Variants in CDHR5 observed in about 807,000 individuals in gnomAD.
CDHR5 encodes the protein cadherin related family member 5.
In CDHR5, 82 loss-of-function variants were observed where a neutral mutation model predicts 69.5. The ratio of observed to expected loss-of-function variants is 1.18; its 90% CI spans 0.99 to 1.42. The LOEUF is 1.42. Ranked by LOEUF, CDHR5 falls within the 40% of genes most tolerant of loss-of-function variation. The pLI, the probability that CDHR5 is intolerant of heterozygous loss-of-function variation, is 0.00. For missense variants in CDHR5, 1,293 were observed against 1,168.9 expected, an observed-to-expected ratio of 1.11 and a Z score of -1.55; for synonymous variants, 601 against 510.2, an observed-to-expected ratio of 1.18 and a Z score of -2.40.
At position 621,493 on chromosome 11, in the gene CDHR5, G is replaced by A; in HGVS notation, c.508-38C>T. The A allele has an allele frequency of 6.3e-7, 1 of 1,597,732 alleles. No homozygotes were observed. Among genetic ancestry groups the A allele is most frequent in the Non-Finnish European group, 8.6e-7 (1 of 1,165,536 alleles). On this transcript the variant is annotated intron_variant, in intron 5 of 14. Transcript: ENST00000397542. This position sits in a 1 kb window ranked among gnomAD's most constrained non-coding sequence, Gnocchi z 4.4. ...AGGGAGGACAGAGCCTAAGAGCCTTGGAGGGCGAGGGCGGCTGTGGGTGTC... is the reference window on the plus strand; with the variant it reads ...AGGGAGGACAGAGCCTAAGAGCCTTAGAGGGCGAGGGCGGCTGTGGGTGTC...
At chr11:619,424 C>G (rs1243782090) in intron 11 of CDHR5, 34 bp from the exon 12 acceptor site, 1 of 1,607,898 alleles carries the variant, frequency 6.2e-7, no homozygotes, top group Non-Finnish European at 8.5e-7. Flanking sequence ...CTCCTAGACA[C>G]ATCTTTAAGC....
At chr11:620,000 C>CCG in intron 9 of CDHR5, 67 bp downstream of exon 9, 1 of 1,300,522 alleles carries the variant, frequency 7.7e-7, no homozygotes, top group Non-Finnish European at 1.0e-6. Context: ...CCCCCCAGCC[C>CCG]TGACCCCCCG....
chr11:618,645 T>C lies in CDHR5; in HGVS notation c.1914A>G (p.Pro638=), dbSNP rs1458638482. Residue 638 remains proline (P), a synonymous_variant, in exon 13 of 15, where the codon CCA becomes CCG. Transcript: ENST00000397542. ...TGAGGGGCATCGGCTGAGAGGTTCC[T>C]GGCTCTGGGGTCTGTGCTGTGCCCC... ...PGGGTAQTPE[P]GTSQPMPLSK... 1.2e-6 allele frequency: 2 copies of C among 1,612,528 alleles called. No individual in the cohort carries two copies. The highest frequency in any genetic ancestry group is 1.7e-5 in the Admixed American group (1 of 59,924).
At chr11:618,516 C>T in intron 13 of CDHR5, 83 bp downstream of exon 13, 1 of 1,517,236 alleles carries the variant, frequency 6.6e-7, no homozygotes, top group South Asian at 1.2e-5. Flanking sequence ...GCCAGGTCAG[C>T]CTGGGGTGGA....
rs202157368 is a variant in CDHR5, at chr11:621,573, C to T, written c.496G>A (p.Glu166Lys). 1.9e-6 allele frequency: 3 copies of T among 1,613,396 alleles called. No homozygotes were observed. The highest frequency in any genetic ancestry group is 1.7e-6 in the Non-Finnish European group (2 of 1,179,426). ...KDDILFYTLQEMTAGASDYFS... is the reference protein window; with the variant it reads ...KDDILFYTLQKMTAGASDYFS... ...TGGGCGGCACTGACTGCTGTCATTT[C>T]CTGGAGGGTGTAGAACAGAATGTCG... is the stretch of plus-strand genomic sequence containing the variant. Residue 166 changes from glutamate (E) to lysine (K), a missense_variant, in exon 5 of 15, where the codon GAA becomes AAA. Glu to Lys is a moderately conservative substitution (Grantham distance 56). Coordinates refer to ENST00000397542, the MANE Select transcript of CDHR5 (RefSeq NM_021924.5). The surrounding 1 kb of genome is among the most constrained non-coding windows in gnomAD (Gnocchi z 4.4).
chr11:617,628 G>A lies in CDHR5; in HGVS notation c.2261C>T (p.Ser754Phe), dbSNP rs754404388. The change falls in exon 15 of 15, where the codon TCC becomes TTC. Residue 754 changes from serine to phenylalanine, a missense_variant. Physicochemically the swap from Ser to Phe is radical, Grantham distance 155. Transcript: ENST00000397542. ...PAEPAPPGPASPGGAPEPPAA... is the reference protein window; with the variant it reads ...PAEPAPPGPAFPGGAPEPPAA... ...GGGGGGCTCAGGGGCACCGCCTGGG[G>A]AGGCAGGGCCGGGGGGTGCGGGCTC... The A allele has an allele frequency of 1.3e-6, 2 of 1,587,200 alleles. No homozygotes were observed. Among genetic ancestry groups the A allele is most frequent in the Non-Finnish European group, 1.7e-6 (2 of 1,167,676 alleles).
At chr11:623,885 TG>T (rs1202293247) in intron 3 of CDHR5, among the ~76,000 whole-genome samples, 1 of 146,372 alleles carries the variant, frequency 6.8e-6, no homozygotes, top group Non-Finnish European at 1.5e-5. Flanking sequence ...TGGGGGGCTG[TG>T]GGGGACACGT....
At chr11:620,980 CTG>C in intron 7 of CDHR5, 98 bp downstream of exon 7, 1 of 806,612 alleles carries the variant, frequency 1.2e-6, no homozygotes, top group African/African-American at 1.8e-5. Flanking sequence ...GCCCCACCCC[CTG>C]ACCCCGACCC....
rs1485390554 is a variant in CDHR5, at chr11:617,562, G to T, written c.2327C>A (p.Ser776Tyr). 1 of 1,611,994 alleles carries T rather than the reference G, an allele frequency of 6.2e-7. No individual in the cohort carries two copies. Among genetic ancestry groups the T allele is most frequent in the Admixed American group, 1.7e-5 (1 of 59,956 alleles). Residue 776 changes from serine (S) to tyrosine (Y), a missense_variant, in exon 15 of 15, where the codon TCC (serine) becomes TAC (tyrosine). Transcript: ENST00000397542. Reference protein sequence around the residue: ...RAGGSPTAVRSILTKERRPEG... With the variant: ...RAGGSPTAVRYILTKERRPEG... ...CGGCCGCCGCTCCTTGGTCAGGATGGACCTCACCGCCGTGGGGCTTCCGCC... is the reference window on the plus strand; with the variant it reads ...CGGCCGCCGCTCCTTGGTCAGGATGTACCTCACCGCCGTGGGGCTTCCGCC...
At chr11:619,201 T>A (rs994279696) in intron 12 of CDHR5, 21 bp from the exon 13 acceptor site, 46 of 1,499,774 alleles carry the variant, frequency 3.1e-5, no homozygotes, top group Non-Finnish European at 4.0e-5. Flanking sequence ...GGAACAGTGC[T>A]TGGGCTTGCC....
rs139645120 is a variant in CDHR5, at chr11:617,477, G to T, written c.2412C>A (p.Val804=). The change falls in exon 15 of 15, where the codon GTC becomes GTA. Residue 804 remains valine (V), a synonymous_variant. Transcript: ENST00000397542. ...CGTCCAGGGTGGGCGCGTTGAGAAC[G>T]ACCACGTCTGCCTCCGTCCCGATGT... ...GEDIGTEADV[V]VLNAPTLDVD... The T allele has an allele frequency of 1.9e-6, 3 of 1,612,568 alleles. No homozygotes were observed. In the South Asian group the frequency reaches 3.3e-5, roughly 18 times the overall value.
rs754585445 is a variant in CDHR5 at position 618,640 on chromosome 11, G to T, written c.1919C>A (p.Thr640Asn). ...GGTAQTPEPG[T>N]SQPMPLSKST... Reference sequence around the variant, plus strand: ...CTTGCTGAGGGGCATCGGCTGAGAGGTTCCTGGCTCTGGGGTCTGTGCTGT... The same window carrying T: ...CTTGCTGAGGGGCATCGGCTGAGAGTTTCCTGGCTCTGGGGTCTGTGCTGT... Residue 640 changes from threonine to asparagine, a missense_variant, in exon 13 of 15, where the codon ACC becomes AAC. Thr to Asn is a moderately conservative substitution (Grantham distance 65). Coordinates refer to ENST00000397542, the MANE Select transcript of CDHR5 (RefSeq NM_021924.5). The T allele has an allele frequency of 9.4e-5, 152 of 1,612,494 alleles. No individual in the cohort carries two copies. Among genetic ancestry groups the T allele is most frequent in the Middle Eastern group, 6.6e-4 (4 of 6,034 alleles).
intron 3 of CDHR5, among the ~76,000 whole-genome samples, chr11:622,767 C>T (rs1440777021): frequency 1.6e-4 from 24 of 152,002 alleles, no homozygotes; most frequent in African/African-American, 5.8e-4. Flanking sequence ...TGAGCCACGG[C>T]GCCCAGCCAG....
rs114302058 is a variant in CDHR5 at position 620,428 on chromosome 11, G to A, written c.790-42C>T. ...AGGGAGGGCACGTCGTGGGGCTGGG[G>A]TGGATGGCCCCAGCCTGGCCCCTCT... On this transcript the variant is annotated intron_variant, in intron 7 of 14. Transcript: ENST00000397542. The A allele has an allele frequency of 2.8e-6, 4 of 1,418,028 alleles. No individual in the cohort carries two copies. In the South Asian group the frequency reaches 5.0e-5, roughly 18 times the overall value. 87.8% of individuals were successfully genotyped at this position (1,418,028 alleles called of 1,614,324 possible). A position where few individuals can be genotyped will look rare whatever the true frequency, so the allele number is the denominator to read the frequency against.
At chr11:619,616 C>T in intron 10 of CDHR5, 29 bp from the exon 11 acceptor site, 1 of 1,608,768 alleles carries the variant, frequency 6.2e-7, no homozygotes, top group Non-Finnish European at 8.5e-7. Context: ...AGTCCCCGGC[C>T]AGGCTGCCTC....
intron 7 of CDHR5, 63 bp from the exon 8 acceptor site, chr11:620,449 C>T: frequency 1.7e-6 from 2 of 1,161,988 alleles, no homozygotes; most frequent in Non-Finnish European, 1.2e-6. Context: ...CAGCCTGGCC[C>T]CTCTGACTCC....
In CDHR5 at chr11:619,745, A is replaced by G; in HGVS notation, c.1115T>C (p.Val372Ala). The G allele has an allele frequency of 6.2e-7, 1 of 1,612,362 alleles. No homozygotes were observed. The highest frequency in any genetic ancestry group is 8.5e-7 in the Non-Finnish European group (1 of 1,179,984). The change falls in exon 10 of 15, where the codon GTG becomes GCG. Residue 372 changes from valine to alanine, a missense_variant. By Grantham distance (64) the Val-to-Ala change is moderately conservative. Coordinates refer to ENST00000397542, the MANE Select transcript of CDHR5 (RefSeq NM_021924.5). ...TVARGAGAGV[V>A]VKDAAAPSQP... ...AGAAGGGGCAGCTGCATCCTTGACC[A>G]CAACGCCCGCTCCAGCGCCACGCGC... is the stretch of plus-strand genomic sequence containing the variant.
In CDHR5 at chr11:621,810, A is replaced by G; in HGVS notation, c.405+2T>C. 1 of 1,611,108 alleles carries G rather than the reference A, an allele frequency of 6.2e-7. No individual in the cohort carries two copies. The highest frequency in any genetic ancestry group is 8.5e-7 in the Non-Finnish European group (1 of 1,178,468). ...CAGTCCCCGCGGCTTCGCTGGCCTC[A>G]CCTCCTCCACCCTTATCTCCTTGGT... On this transcript the variant is annotated splice_donor_variant, in intron 4 of 14. Coordinates refer to ENST00000397542, the MANE Select transcript of CDHR5 (RefSeq NM_021924.5). LOFTEE classifies it high-confidence loss of function. This position sits in a 1 kb window ranked among gnomAD's most constrained non-coding sequence, Gnocchi z 4.4.
chr11:617,674 C>A lies in CDHR5; in HGVS notation c.2215G>T (p.Ala739Ser). Residue 739 changes from alanine to serine, a missense_variant, in exon 15 of 15, where the codon GCG (alanine) becomes TCG (serine). Coordinates refer to ENST00000397542, the MANE Select transcript of CDHR5 (RefSeq NM_021924.5). ...VPSPTHDPKP[A>S]EAPMPAEPAP... ...GGCTCTGCGGGCATCGGTGCCTCCGCGGGCTTGGGGTCGTGCGTGGGGCTG... is the reference window on the plus strand; with the variant it reads ...GGCTCTGCGGGCATCGGTGCCTCCGAGGGCTTGGGGTCGTGCGTGGGGCTG... 1 of 1,496,348 alleles carries A rather than the reference C, an allele frequency of 6.7e-7. No homozygotes were observed. The highest frequency in any genetic ancestry group is 2.4e-5 in the East Asian group (1 of 41,108). 92.7% of individuals were successfully genotyped at this position (1,496,348 alleles called of 1,614,324 possible).
Sources: gnomAD v4.1 joint callset for allele counts (sites outside exome capture counted in the v4.1 genomes callset) on GRCh38, gnomAD v4.1.1 for gene constraint, Gnocchi (gnomAD v3.1) non-coding constraint, MANE v1.5 for transcripts, NCBI Gene and HGNC (gene_info 2026-07-23, HGNC 2026-07-21) for gene names.